The following FBXO42 variants were observed in gnomAD, a reference collection of about 807,000 sequenced individuals.
FBXO42 encodes the protein F-box only protein 42.
Under a neutral mutation model 71.7 loss-of-function variants are expected in FBXO42, and 12 were observed. The observed-to-expected ratio is 0.17, with a 90% CI of 0.11 to 0.27. FBXO42 has a LOEUF of 0.27. FBXO42 is among the 10% of genes least tolerant of loss of function. The pLI, the probability that FBXO42 is intolerant of heterozygous loss-of-function variation, is 1.00. For missense variants in FBXO42, 707 were observed against 911.9 expected (o/e 0.78, Z 2.89); for synonymous variants, 325 against 327.5 (o/e 0.99, Z 0.08).
At chr1:16,351,797 A>T (rs1389418893) in intron 1 of FBXO42, among the ~76,000 whole-genome samples, 1 of 152,210 alleles carries the variant, frequency 6.6e-6, no homozygotes, top group African/African-American at 2.4e-5. Context: ...TATTTAACGT[A>T]AACCAATTCC....
In FBXO42 at chr1:16,304,798, A is replaced by C. The variant is rs147483522; in HGVS notation, c.367+1005T>G. On this transcript the variant is annotated intron_variant, in intron 3 of 9. Transcript: ENST00000375592. ...AGCCTGGCCAACATGGCGAAACCCTATCTCTACTAAAAATACAAAAATTAG... is the reference window on the plus strand; with the variant it reads ...AGCCTGGCCAACATGGCGAAACCCTCTCTCTACTAAAAATACAAAAATTAG... Among the ~76,000 whole-genome samples the C allele has an allele frequency of 7.5e-3, 1,134 of 151,860 alleles. 10 individuals carry two copies. The highest frequency in any genetic ancestry group is 0.026 in the African/African-American group (1,079 of 41,436).
intron 3 of FBXO42, among the ~76,000 whole-genome samples, chr1:16,299,119 TCTC>T (rs1387217501): frequency 6.6e-6 from 1 of 151,944 alleles, no homozygotes; most frequent in Non-Finnish European, 1.5e-5. Context: ...TTCAAGCAAT[TCTC>T]CTCCTCAGCC....
At chr1:16,261,149 T>C (rs2081707235) in intron 4 of FBXO42, among the ~76,000 whole-genome samples, 3 of 152,214 alleles carry the variant, frequency 2.0e-5, no homozygotes, top group African/African-American at 7.2e-5. Flanking sequence ...TCAATCTTAA[T>C]CCGGTAAAGC....
rs953681469 is a variant in FBXO42 at position 16,248,414 on chromosome 1, G to A, written c.*2256C>T. 2 of 152,204 alleles carry A rather than the reference G, an allele frequency of 1.3e-5. No individual in the cohort carries two copies. The highest frequency in any genetic ancestry group is 4.8e-5 in the African/African-American group (2 of 41,442). 9.4% of individuals were successfully genotyped at this position (152,204 alleles called of 1,614,324 possible). A position where few individuals can be genotyped will look rare whatever the true frequency, so the allele number is the denominator to read the frequency against. On this transcript the variant is annotated 3_prime_UTR_variant, in exon 10 of 10. Coordinates refer to ENST00000375592, the MANE Select transcript of FBXO42 (RefSeq NM_018994.3). ...TCAGAGGAACCAGATTACTTTCTAA[G>A]ACAATCAACATATCTGTTGCCTGCC...
chr1:16,256,511 T>C, intron 5 of FBXO42, 95 bp downstream of exon 5: 1 of 1,327,214 alleles, frequency 7.5e-7, no homozygotes, highest in Non-Finnish European at 1.0e-6. Context: ...GCTTTCCATC[T>C]AATTCTCAAA....
chr1:16,320,733 TG>T (rs1216988618), intron 1 of FBXO42, among the ~76,000 whole-genome samples: 1 of 151,862 alleles, frequency 6.6e-6, no homozygotes, highest in Non-Finnish European at 1.5e-5. Context: ...ATCAAATTTT[TG>T]TATTTTTGGT....
chr1:16,318,807 CAG>C (rs2082391403), intron 1 of FBXO42, among the ~76,000 whole-genome samples: 1 of 152,068 alleles, frequency 6.6e-6, no homozygotes, highest in Admixed American at 6.6e-5. Flanking sequence ...GCCTGTCCAA[CAG>C]AGAGCTCGGG....
chr1:16,352,153 T>C (rs369393217), intron 1 of FBXO42, 102 bp downstream of exon 1: 1 of 388,990 alleles, frequency 2.6e-6, no homozygotes. Context: ...ATACGGGGCC[T>C]GCGTCAGACC....
intron 1 of FBXO42, among the ~76,000 whole-genome samples, chr1:16,320,862 A>G (rs1410476196): frequency 1.3e-5 from 2 of 152,056 alleles, no homozygotes; most frequent in Admixed American, 1.3e-4. Flanking sequence ...TAAATTCACC[A>G]AGGAAAAGAG....
At chr1:16,298,876 T>C (rs1175393314) in intron 3 of FBXO42, among the ~76,000 whole-genome samples, 1 of 152,178 alleles carries the variant, frequency 6.6e-6, no homozygotes. Flanking sequence ...AACAAATCCA[T>C]GATTTCATAA....
chr1:16,328,196 C>T (rs1436671635), intron 1 of FBXO42, among the ~76,000 whole-genome samples: 2 of 152,058 alleles, frequency 1.3e-5, no homozygotes, highest in Non-Finnish European at 1.5e-5. Flanking sequence ...ACCACTTACT[C>T]AGGAGGCTGG....
chr1:16,312,162 C>T (rs2082319147), intron 2 of FBXO42, among the ~76,000 whole-genome samples: 1 of 152,028 alleles, frequency 6.6e-6, no homozygotes, highest in African/African-American at 2.4e-5. Flanking sequence ...AGTTTCACAC[C>T]AGTCTAGGTA....
At chr1:16,266,204 A>G (rs2081770724) in intron 4 of FBXO42, among the ~76,000 whole-genome samples, 1 of 150,420 alleles carries the variant, frequency 6.6e-6, no homozygotes, top group African/African-American at 2.5e-5. Context: ...AAATAGAAAC[A>G]TCTCTTTCAT....
intron 1 of FBXO42, among the ~76,000 whole-genome samples, chr1:16,341,032 T>A (rs2082598956): frequency 2.6e-5 from 4 of 152,188 alleles, no homozygotes; most frequent in Admixed American, 2.6e-4. Flanking sequence ...CTCTGGTGCA[T>A]CCTCACTGTG....
At chr1:16,277,619 G>C (rs2081918289) in intron 4 of FBXO42, among the ~76,000 whole-genome samples, 1 of 151,836 alleles carries the variant, frequency 6.6e-6, no homozygotes, top group African/African-American at 2.4e-5. Flanking sequence ...CAGCTACTCA[G>C]GAGGCTGAGG....
chr1:16,348,708 T>A (rs1045616773), intron 1 of FBXO42, among the ~76,000 whole-genome samples: 5 of 151,712 alleles, frequency 3.3e-5, no homozygotes, highest in African/African-American at 1.2e-4. Context: ...CTCAAAAAAA[T>A]AAAAAAGAAA....
intron 3 of FBXO42, among the ~76,000 whole-genome samples, chr1:16,301,728 G>A (rs2082197678): frequency 6.6e-6 from 1 of 150,466 alleles, no homozygotes; most frequent in Admixed American, 6.6e-5. Flanking sequence ...AAGACATGGA[G>A]CCTGTCTATC....
intron 4 of FBXO42, among the ~76,000 whole-genome samples, chr1:16,273,123 A>C (rs1033236791): frequency 6.6e-6 from 1 of 152,152 alleles, no homozygotes; most frequent in Non-Finnish European, 1.5e-5. Context: ...AACAAAAACT[A>C]TGAAAGGTAG....
chr1:16,270,751 TAC>T (rs58610558), intron 4 of FBXO42, among the ~76,000 whole-genome samples: 25,375 of 110,708 alleles, frequency 0.23, 2,721 homozygotes, highest in Non-Finnish European at 0.26. Context: ...TACCATGAGA[TAC>T]ACACACACAC....
Sources: gnomAD v4.1 joint callset for allele counts (sites outside exome capture counted in the v4.1 genomes callset) on GRCh38, gnomAD v4.1.1 for gene constraint, MANE v1.5 for transcripts, NCBI Gene and HGNC (gene_info 2026-07-23, HGNC 2026-07-21) for gene names.